MAP3K5: variants seen among roughly 807,000 people sequenced by gnomAD.
MAP3K5 encodes mitogen-activated protein kinase kinase kinase 5.
In MAP3K5, 56 loss-of-function variants were observed where a neutral mutation model predicts 158.7. The observed-to-expected ratio is 0.35, with a 90% CI of 0.28 to 0.44. MAP3K5 has a LOEUF of 0.44. MAP3K5 is among the 20% of genes least tolerant of loss of function. The pLI, the probability that MAP3K5 is intolerant of heterozygous loss-of-function variation, is 1.00. For synonymous variants in MAP3K5, 579 were observed against 601.7 expected (o/e 0.96, Z 0.55); for missense variants, 1,294 against 1,674.8 (o/e 0.77, Z 3.97).
In MAP3K5 at chr6:136,789,939, G is replaced by A. The variant is rs1394156962; in HGVS notation, c.448+1771C>T. Among the ~76,000 whole-genome samples, 8 of 151,964 alleles carry A rather than the reference G, an allele frequency of 5.3e-5. No individual in the cohort carries two copies. The East Asian group carries it at 5.8e-4, about 11-fold the overall frequency. ...ACTCCTGACCTCAGGTGATCCACCC[G>A]CCTTGGCCTCCGAAAGTGCTGGGAT... On this transcript the variant is annotated intron_variant, in intron 1 of 29. Transcript: ENST00000359015.
At chr6:136,671,122 T>C (rs1007411714) in intron 7 of MAP3K5, among the ~76,000 whole-genome samples, 1 of 152,192 alleles carries the variant, frequency 6.6e-6, no homozygotes, top group Non-Finnish European at 1.5e-5. Flanking sequence ...TCAAGATACG[T>C]AATATTTTTC....
At chr6:136,748,402 C>T (rs1306090593) in intron 1 of MAP3K5, among the ~76,000 whole-genome samples, 1 of 152,010 alleles carries the variant, frequency 6.6e-6, no homozygotes, top group Non-Finnish European at 1.5e-5. Flanking sequence ...GGTCTGATTG[C>T]AAAAATTCAA....
intron 27 of MAP3K5, 46 bp downstream of exon 27, chr6:136,562,457 G>A: frequency 1.0e-6 from 1 of 969,762 alleles, no homozygotes; most frequent in Non-Finnish European, 1.5e-6. Context: ...GGCTTTTTGT[G>A]GCAGCCTGGC....
At chr6:136,691,448 T>C (rs534840869) in intron 7 of MAP3K5, among the ~76,000 whole-genome samples, 13 of 152,038 alleles carry the variant, frequency 8.6e-5, no homozygotes, top group African/African-American at 3.1e-4. Context: ...CGGACTCAAC[T>C]AAAAATACAA....
intron 1 of MAP3K5, among the ~76,000 whole-genome samples, chr6:136,740,322 GT>G (rs1313579281): frequency 6.6e-6 from 1 of 151,874 alleles, no homozygotes; most frequent in Non-Finnish European, 1.5e-5. Flanking sequence ...TTTAATCTTG[GT>G]TTTCCTTTTT....
chr6:136,568,641 A>C (rs554934429), intron 25 of MAP3K5, among the ~76,000 whole-genome samples: 2 of 152,274 alleles, frequency 1.3e-5, no homozygotes, highest in African/African-American at 4.8e-5. Context: ...TTGGGAGGCC[A>C]AGGCAGGCAT....
intron 1 of MAP3K5, among the ~76,000 whole-genome samples, chr6:136,736,669 G>T (rs1179954444): frequency 2.0e-5 from 3 of 151,934 alleles, no homozygotes; most frequent in Non-Finnish European, 4.4e-5. Context: ...TATCAGTAAA[G>T]GAATTCGCAT....
intron 1 of MAP3K5, among the ~76,000 whole-genome samples, chr6:136,785,050 C>T (rs1252788609): frequency 1.3e-5 from 2 of 152,184 alleles, no homozygotes; most frequent in African/African-American, 4.8e-5. Context: ...ACTTTACTCT[C>T]TCCTTCAAAA....
chr6:136,628,167 A>G (rs1777133513), intron 14 of MAP3K5, among the ~76,000 whole-genome samples: 1 of 151,628 alleles, frequency 6.6e-6, no homozygotes. Flanking sequence ...GCCGGAGTGC[A>G]GTGGTGCCAT....
chr6:136,739,239 G>A (rs1360517443), intron 1 of MAP3K5, among the ~76,000 whole-genome samples: 1 of 152,178 alleles, frequency 6.6e-6, no homozygotes, highest in African/African-American at 2.4e-5. Flanking sequence ...AAATGGCCAT[G>A]GTGTCGCTCC....
intron 11 of MAP3K5, among the ~76,000 whole-genome samples, chr6:136,649,177 C>A (rs778660713): frequency 3.3e-5 from 5 of 152,050 alleles, no homozygotes; most frequent in Non-Finnish European, 5.9e-5. Context: ...ACCATGTTGG[C>A]CAGGCTGATC....
chr6:136,586,298 G>C (rs1374820598), intron 23 of MAP3K5, among the ~76,000 whole-genome samples: 1 of 152,188 alleles, frequency 6.6e-6, no homozygotes, highest in East Asian at 1.9e-4. Flanking sequence ...TAAAAACTCA[G>C]TTGCAACATG....
At position 136,568,612 on chromosome 6, in the gene MAP3K5, C is replaced by T. The variant is rs188304501; in HGVS notation, c.3518-738G>A. The stretch of plus-strand genomic sequence containing the variant: ...TATTGTGGCTGGGCACAGTGGCTCA[C>T]GCCTGTAATCCCAGCACTTTGGGAG... On this transcript the variant is annotated intron_variant, in intron 25 of 29. Transcript: ENST00000359015. 2.6e-5 allele frequency among the ~76,000 whole-genome samples: 4 copies of T among 152,248 alleles called. No homozygotes were observed. In the East Asian group the frequency reaches 5.8e-4, roughly 22 times the overall value.
At chr6:136,705,904 G>C (rs1303592152) in intron 2 of MAP3K5, among the ~76,000 whole-genome samples, 1 of 152,168 alleles carries the variant, frequency 6.6e-6, no homozygotes, top group Non-Finnish European at 1.5e-5. Flanking sequence ...TCCACACACA[G>C]ATAATCAAGA....
chr6:136,571,558 C>T (rs1774367704), intron 25 of MAP3K5, among the ~76,000 whole-genome samples: 1 of 152,180 alleles, frequency 6.6e-6, no homozygotes, highest in African/African-American at 2.4e-5. Context: ...CAAAGTTCAT[C>T]CATGTTGTAG....
intron 23 of MAP3K5, among the ~76,000 whole-genome samples, chr6:136,587,845 A>G (rs1230642459): frequency 1.3e-5 from 2 of 152,218 alleles, no homozygotes; most frequent in Non-Finnish European, 1.5e-5. Flanking sequence ...TACAGAGGAC[A>G]TTCAAATGCA....
chr6:136,570,832 C>T (rs747193489), intron 25 of MAP3K5, among the ~76,000 whole-genome samples: 3 of 152,280 alleles, frequency 2.0e-5, no homozygotes, highest in East Asian at 1.9e-4. Flanking sequence ...TGGAAACTAC[C>T]GTTCTACTTT....
chr6:136,706,281 T>C (rs771668558), intron 2 of MAP3K5, among the ~76,000 whole-genome samples: 1 of 151,716 alleles, frequency 6.6e-6, no homozygotes, highest in Admixed American at 6.6e-5. Flanking sequence ...AAGAATGGGA[T>C]AAGTACACAG....
At chr6:136,601,662 C>T in intron 20 of MAP3K5, 140 bp downstream of exon 20, 1 of 730,382 alleles carries the variant, frequency 1.4e-6, no homozygotes, top group South Asian at 2.0e-5. Context: ...CAACCAAATG[C>T]CTGAGAACAC....
Sources: allele counts gnomAD v4.1 joint callset (sites outside exome capture counted in the v4.1 genomes callset), GRCh38; gene constraint gnomAD v4.1.1; transcripts MANE v1.5; gene names NCBI Gene and HGNC (gene_info 2026-07-23, HGNC 2026-07-21).